AOX1: variants seen among roughly 807,000 people sequenced by gnomAD.
AOX1 encodes aldehyde oxidase 1.
AOX1 carries 153 observed loss-of-function variants against 169.5 expected under a neutral mutation model. The observed-to-expected ratio is 0.90, with a 90% CI of 0.79 to 1.03. The LOEUF is 1.03. Ranked by LOEUF, AOX1 falls within the 50% of genes least tolerant of loss-of-function variation. The pLI, the probability that AOX1 is intolerant of heterozygous loss-of-function variation, is 0.00. For missense variants in AOX1, 1,656 were observed against 1,663.9 expected (o/e 1.00, Z 0.08); for synonymous variants, 562 against 581.9 (o/e 0.97, Z 0.49).
chr2:200,628,188 C>T (rs1293874192), intron 20 of AOX1, among the ~76,000 whole-genome samples: 2 of 151,876 alleles, frequency 1.3e-5, no homozygotes, highest in Admixed American at 6.6e-5. Flanking sequence ...TACACACACA[C>T]ATACACACAC....
chr2:200,673,740 C>T (rs2036058721), downstream of AOX1, among the ~76,000 whole-genome samples: 1 of 152,176 alleles, frequency 6.6e-6, no homozygotes, highest in Non-Finnish European at 1.5e-5. Context: ...AGAACATGTC[C>T]CAAATCCCTA....
At chr2:200,660,947 G>A (rs922097328) in intron 29 of AOX1, among the ~76,000 whole-genome samples, 1 of 152,176 alleles carries the variant, frequency 6.6e-6, no homozygotes, top group Non-Finnish European at 1.5e-5. Flanking sequence ...AGCATGGAGA[G>A]TAGTACTCCA....
chr2:200,607,294 G>T (rs571994110), intron 10 of AOX1, among the ~76,000 whole-genome samples: 1 of 152,114 alleles, frequency 6.6e-6, no homozygotes, highest in Non-Finnish European at 1.5e-5. Flanking sequence ...TTATTGATTT[G>T]CATATATTGA....
At chr2:200,616,300 G>A (rs544924467) in intron 16 of AOX1, among the ~76,000 whole-genome samples, 24 of 152,350 alleles carry the variant, frequency 1.6e-4, no homozygotes, top group African/African-American at 5.0e-4. Flanking sequence ...TAAAGGTTAC[G>A]TGCTTTGCAC....
At chr2:200,603,475 C>A in intron 7 of AOX1, 119 bp downstream of exon 7, 2 of 696,488 alleles carry the variant, frequency 2.9e-6, no homozygotes, top group Non-Finnish European at 4.9e-6. Flanking sequence ...CAACATGTGC[C>A]CTCTCCCATT....
intron 13 of AOX1, among the ~76,000 whole-genome samples, chr2:200,611,698 A>G (rs1194603026): frequency 7.4e-6 from 1 of 135,958 alleles, no homozygotes; most frequent in East Asian, 2.2e-4. Flanking sequence ...TCATTCCTCG[A>G]ATTAGGAGAT....
intron 34 of AOX1, 52 bp downstream of exon 34, chr2:200,669,794 G>A (rs2035993184): frequency 1.3e-6 from 2 of 1,589,342 alleles, no homozygotes; most frequent in Non-Finnish European, 1.7e-6. Context: ...CTGAATTTTT[G>A]GCCTCTGTTC....
At chr2:200,650,449 AC>A (rs2035559021) in intron 25 of AOX1, among the ~76,000 whole-genome samples, 1 of 152,174 alleles carries the variant, frequency 6.6e-6, no homozygotes, top group Non-Finnish European at 1.5e-5. Context: ...GGTCTTAGTC[AC>A]CAATTCTGGG....
Position 200,620,198 on chromosome 2 carries a change from A to AGTTTTTTTTTTTTTT in AOX1, c.1705-452_1705-451insGTTTTTTTTTTTTTT, listed in dbSNP as rs370920216. On this transcript the variant is annotated intron_variant, in intron 16 of 34. Coordinates refer to ENST00000374700, the MANE Select transcript of AOX1 (RefSeq NM_001159.4). ...TATTGTCTTGGTGTTATTAATAGTGACTTTTTTTTTTTTTTTTTTTGATGG... is the reference window on the plus strand; with the variant it reads ...TATTGTCTTGGTGTTATTAATAGTGAGTTTTTTTTTTTTTTCTTTTTTTTTTTTTTTTTTTGATGG... 3.3e-5 allele frequency among the ~76,000 whole-genome samples: 4 copies of AGTTTTTTTTTTTTTT among 120,912 alleles called. 1 individual carries two copies. The highest frequency in any genetic ancestry group is 1.9e-4 in the Admixed American group (2 of 10,676). 79.3% of individuals were successfully genotyped at this position (120,912 alleles called of 152,430 possible).
intron 16 of AOX1, among the ~76,000 whole-genome samples, chr2:200,617,585 G>C (rs753148279): frequency 3.1e-4 from 47 of 151,410 alleles, no homozygotes; most frequent in Non-Finnish European, 4.7e-4. Flanking sequence ...CACACAACAT[G>C]GTTTCAAAAG....
chr2:200,640,600 G>A (rs918199378), intron 23 of AOX1, among the ~76,000 whole-genome samples: 2 of 152,336 alleles, frequency 1.3e-5, no homozygotes, highest in Middle Eastern at 3.4e-3. Context: ...TTGGAAGGAG[G>A]AACCGATCTG....
Position 200,611,624 on chromosome 2 carries a change from G to A in AOX1, c.1263+131G>A, listed in dbSNP as rs553939464. 6 of 641,374 alleles carry A rather than the reference G, an allele frequency of 9.4e-6. No homozygotes were observed. The South Asian group carries it at 1.0e-4, about 11-fold the overall frequency. The allele number at this position is 641,374 out of a possible 1,614,324, so 39.7% of individuals were successfully genotyped here. ...GATAAAGGCTCAACTTCAGGAAGTG[G>A]TATGAGGTCATTATTTTAAGACTTG... On this transcript the variant is annotated intron_variant, in intron 13 of 34. Coordinates refer to ENST00000374700, the MANE Select transcript of AOX1 (RefSeq NM_001159.4).
intron 28 of AOX1, among the ~76,000 whole-genome samples, chr2:200,659,724 T>C (rs1476563763): frequency 6.6e-6 from 1 of 152,052 alleles, no homozygotes; most frequent in African/African-American, 2.4e-5. Flanking sequence ...CTGGTGGTTT[T>C]CCAAGAGGTT....
chr2:200,588,932 G>T (rs1177084040), intron 1 of AOX1, among the ~76,000 whole-genome samples: 1 of 151,802 alleles, frequency 6.6e-6, no homozygotes, highest in African/African-American at 2.4e-5. Flanking sequence ...GGGATTACAG[G>T]CTTGAGCCAC....
chr2:200,587,103 CA>C (rs1369846552), intron 1 of AOX1, among the ~76,000 whole-genome samples: 12 of 138,780 alleles, frequency 8.6e-5, no homozygotes, highest in East Asian at 2.1e-4. Context: ...CTTGTCTCTA[CA>C]AAAAAAAAAC....
chr2:200,638,679 C>T (rs1225694280), intron 23 of AOX1, among the ~76,000 whole-genome samples: 3 of 151,602 alleles, frequency 2.0e-5, no homozygotes, highest in Non-Finnish European at 2.9e-5. Flanking sequence ...TGTGAAATTG[C>T]AATTATTTGT....
intron 16 of AOX1, among the ~76,000 whole-genome samples, chr2:200,618,280 G>C (rs566795376): frequency 1.6e-4 from 24 of 152,182 alleles, no homozygotes; most frequent in African/African-American, 5.5e-4. Context: ...TTTGTTCACT[G>C]TATTATACTA....
chr2:200,660,109 A>G, intron 29 of AOX1, 40 bp downstream of exon 29: 1 of 1,539,598 alleles, frequency 6.5e-7, no homozygotes, highest in South Asian at 1.1e-5. Context: ...TTTAGAAGAA[A>G]AAGGAGTGGG....
chr2:200,656,629 C>T (rs2035690959), intron 26 of AOX1, among the ~76,000 whole-genome samples: 1 of 152,080 alleles, frequency 6.6e-6, no homozygotes, highest in Non-Finnish European at 1.5e-5. Context: ...ATTATTCACC[C>T]TCTCCCTCTA....
Sources: allele counts gnomAD v4.1 joint callset (sites outside exome capture counted in the v4.1 genomes callset), GRCh38; gene constraint gnomAD v4.1.1; transcripts MANE v1.5; gene names NCBI Gene and HGNC (gene_info 2026-07-23, HGNC 2026-07-21).